The following TENM2 variants were observed in gnomAD, a reference collection of about 807,000 sequenced individuals.
TENM2 encodes teneurin transmembrane protein 2.
Under a neutral mutation model 245.2 loss-of-function variants are expected in TENM2, and 52 were observed. The observed-to-expected ratio is 0.21, with a 90% CI of 0.17 to 0.27. The LOEUF (loss-of-function observed/expected upper bound fraction) is 0.27, where lower values mean the gene tolerates loss of function less well. Ranked by LOEUF, TENM2 falls within the 10% of genes least tolerant of loss-of-function variation. TENM2 has a pLI of 1.00. For synonymous variants in TENM2, 1,363 were observed against 1,438.9 expected (o/e 0.95, Z 1.19); for missense variants, 3,046 against 3,666.8 (o/e 0.83, Z 4.37).
intron 2 of TENM2, among the ~76,000 whole-genome samples, chr5:167,724,659 A>G (rs1016706530): frequency 2.6e-5 from 4 of 152,224 alleles, no homozygotes; most frequent in African/African-American, 9.6e-5. Flanking sequence ...ACACCACTTC[A>G]GGTTGAGTTA....
the TENM2 span, among the ~76,000 whole-genome samples, chr5:167,265,139 A>C: frequency 5.9e-5 from 9 of 151,986 alleles, no homozygotes; most frequent in African/African-American, 2.2e-4. Flanking sequence ...CAACCTGGCC[A>C]ACATGGTGAA....
chr5:167,350,891 G>A (rs147227270), intron 1 of TENM2, among the ~76,000 whole-genome samples: 1,380 of 27,900 alleles, frequency 0.049, 151 homozygotes, highest in East Asian at 0.12. Context: ...TATATGGGAT[G>A]TATACATATG....
the TENM2 span, among the ~76,000 whole-genome samples, chr5:167,185,155 G>T: frequency 6.6e-6 from 1 of 152,040 alleles, no homozygotes; most frequent in Non-Finnish European, 1.5e-5. Context: ...TACTGTTTCT[G>T]TTTCTCTGGA....
intron 2 of TENM2, among the ~76,000 whole-genome samples, chr5:167,833,700 G>T (rs1417375419): frequency 6.6e-6 from 1 of 152,202 alleles, no homozygotes; most frequent in African/African-American, 2.4e-5. Context: ...ATCCTTGTGG[G>T]CCAGCCAGTC....
chr5:167,751,778 T>C (rs1176800559), intron 2 of TENM2, among the ~76,000 whole-genome samples: 2 of 152,134 alleles, frequency 1.3e-5, no homozygotes, highest in Non-Finnish European at 2.9e-5. Flanking sequence ...CAGTTCACAT[T>C]ATCTTTGTCA....
the TENM2 span, among the ~76,000 whole-genome samples, chr5:167,256,492 A>G: frequency 6.6e-6 from 1 of 152,152 alleles, no homozygotes; most frequent in African/African-American, 2.4e-5. Context: ...TTTCATTTTT[A>G]CTAATTGTAA....
chr5:168,138,727 C>T (rs1490901784), intron 12 of TENM2, among the ~76,000 whole-genome samples: 3 of 152,238 alleles, frequency 2.0e-5, no homozygotes, highest in Admixed American at 2.0e-4. Context: ...AAGAAAGCCA[C>T]ACACATCATC....
At chr5:167,384,383 A>G (rs999756055) in intron 2 of TENM2, among the ~76,000 whole-genome samples, 5 of 152,200 alleles carry the variant, frequency 3.3e-5, no homozygotes, top group Admixed American at 1.3e-4. Flanking sequence ...TAAATGAAGA[A>G]AAGCCAGAGT....
In TENM2 at chr5:167,969,045, T is replaced by C. The variant is rs537946545; in HGVS notation, c.947+16223T>C. 2.0e-5 allele frequency among the ~76,000 whole-genome samples: 3 copies of C among 152,312 alleles called. No homozygotes were observed. The East Asian group carries it at 5.8e-4, about 29-fold the overall frequency. On this transcript the variant is annotated intron_variant, in intron 4 of 28. Coordinates refer to ENST00000518659, the Ensembl canonical transcript of TENM2. ...CACGGACCACTCCTTTTGGTCTTTG[T>C]TTTTAGACATAATCATCTCTGAAAT... is the stretch of plus-strand genomic sequence containing the variant.
At chr5:166,995,905 C>A in the TENM2 span, among the ~76,000 whole-genome samples, 3 of 148,216 alleles carry the variant, frequency 2.0e-5, no homozygotes, top group African/African-American at 7.5e-5. Flanking sequence ...TGAAAAAATA[C>A]GTGTTGAGGG....
the TENM2 span, among the ~76,000 whole-genome samples, chr5:167,093,150 G>GA: frequency 0.022 from 3,305 of 148,698 alleles, 126 homozygotes; most frequent in African/African-American, 0.077. Flanking sequence ...TTTGGGGGAG[G>GA]AAAAAAAAAA....
chr5:167,623,508 C>T (rs1000335854), intron 2 of TENM2, among the ~76,000 whole-genome samples: 5 of 152,136 alleles, frequency 3.3e-5, no homozygotes, highest in South Asian at 2.1e-4. Context: ...AATGCTACAT[C>T]GCAGCCAACA....
chr5:167,193,380 C>T, the TENM2 span, among the ~76,000 whole-genome samples: 2 of 151,828 alleles, frequency 1.3e-5, no homozygotes, highest in East Asian at 3.9e-4. Context: ...GAAACTTAGG[C>T]AGGGGATATC....
At chr5:167,585,319 A>G (rs921531742) in intron 2 of TENM2, among the ~76,000 whole-genome samples, 2 of 152,206 alleles carry the variant, frequency 1.3e-5, no homozygotes, top group Non-Finnish European at 2.9e-5. Flanking sequence ...AGGGTAGTCT[A>G]AAAGTGGTGA....
At chr5:168,220,151 T>C (rs1763549071) in intron 23 of TENM2, among the ~76,000 whole-genome samples, 1 of 152,186 alleles carries the variant, frequency 6.6e-6, no homozygotes, top group Admixed American at 6.5e-5. Context: ...GAGGGTACCA[T>C]CCGAGTGCTG....
the TENM2 span, among the ~76,000 whole-genome samples, chr5:167,009,180 C>T: frequency 6.6e-6 from 1 of 152,126 alleles, no homozygotes; most frequent in Non-Finnish European, 1.5e-5. Context: ...ATATTGATTA[C>T]ACAATCGGAT....
the TENM2 span, among the ~76,000 whole-genome samples, chr5:167,071,580 A>G: frequency 6.6e-6 from 1 of 152,320 alleles, no homozygotes; most frequent in East Asian, 1.9e-4. Flanking sequence ...TCAATCCTAT[A>G]CCTACCATTC....
rs574346018 is a variant in TENM2, at chr5:167,350,544, A to G, written c.227-24654A>G. ...CATATATATATGGAATATATAGACA[A>G]CCTATCCATATATATGGGATATATA... On this transcript the variant is annotated intron_variant, in intron 1 of 28. Coordinates refer to ENST00000518659, the Ensembl canonical transcript of TENM2. Among the ~76,000 whole-genome samples the G allele has an allele frequency of 1.3e-3, 191 of 146,846 alleles. 2 individuals are homozygous for G. Among genetic ancestry groups the G allele is most frequent in the African/African-American group, 4.5e-3 (181 of 40,172 alleles).
At chr5:168,219,824 CAAAAA>C (rs70976468) in intron 23 of TENM2, among the ~76,000 whole-genome samples, 25 of 49,816 alleles carry the variant, frequency 5.0e-4, no homozygotes, top group African/African-American at 1.9e-3. Flanking sequence ...GTTGGCACAG[CAAAAA>C]AAAAAAAAAA....
Sources: allele counts gnomAD v4.1 joint callset (sites outside exome capture counted in the v4.1 genomes callset), GRCh38; gene constraint gnomAD v4.1.1; transcripts MANE v1.5; gene names NCBI Gene and HGNC (gene_info 2026-07-23, HGNC 2026-07-21).